SUGP1: variants seen among roughly 807,000 people sequenced by gnomAD.
SUGP1 encodes the protein SURP and G-patch domain containing 1.
SUGP1 carries 34 observed loss-of-function variants against 76.5 expected under a neutral mutation model. The ratio of observed to expected loss-of-function variants is 0.44; its 90% CI spans 0.34 to 0.59. The LOEUF (loss-of-function observed/expected upper bound fraction) is 0.59, where lower values mean the gene tolerates loss of function less well. Among genes scored for constraint, SUGP1 ranks in the 20% least tolerant of loss-of-function variants. The pLI, the probability that SUGP1 is intolerant of heterozygous loss-of-function variation, is 0.01. For synonymous variants in SUGP1, 326 were observed against 326.2 expected, an observed-to-expected ratio of 1.00 and a Z score of 0.01; for missense variants, 752 against 851.7, an observed-to-expected ratio of 0.88 and a Z score of 1.46.
rs559422874 is a variant in SUGP1 at position 19,293,854 on chromosome 19, G to C, written c.1243+3135C>G. ...AGAACCTGTAAAACTATTTCTGTTTGCAGATAACACAAACTTAAATGTGGA... is the reference window on the plus strand; with the variant it reads ...AGAACCTGTAAAACTATTTCTGTTTCCAGATAACACAAACTTAAATGTGGA... On this transcript the variant is annotated intron_variant, in intron 8 of 13. Transcript: ENST00000247001. Among the ~76,000 whole-genome samples the C allele has an allele frequency of 2.6e-5, 4 of 152,264 alleles. No individual in the cohort carries two copies. In the South Asian group the frequency reaches 8.3e-4, roughly 32 times the overall value.
chr19:19,288,969 A>T (rs968440612), intron 8 of SUGP1, among the ~76,000 whole-genome samples: 1 of 151,836 alleles, frequency 6.6e-6, no homozygotes, highest in Middle Eastern at 3.2e-3. Flanking sequence ...TATTTTTAGT[A>T]GAGACAGAGT....
intron 2 of SUGP1, among the ~76,000 whole-genome samples, chr19:19,313,831 T>C (rs1474627771): frequency 6.6e-6 from 1 of 151,894 alleles, no homozygotes; most frequent in East Asian, 1.9e-4. Flanking sequence ...AGTGAAACCC[T>C]GTCTCAACTA....
At chr19:19,308,392 AG>A (rs892378465) in intron 3 of SUGP1, among the ~76,000 whole-genome samples, 7 of 152,228 alleles carry the variant, frequency 4.6e-5, no homozygotes, top group Non-Finnish European at 8.8e-5. Context: ...CGTCTACCAA[AG>A]GGAAACAGAG....
intron 1 of SUGP1, 34 bp downstream of exon 1, chr19:19,320,429 A>G: frequency 6.2e-7 from 1 of 1,606,622 alleles, no homozygotes; most frequent in Admixed American, 1.7e-5. Flanking sequence ...CCAGGGACCC[A>G]GGCGGCCGCC....
At chr19:19,303,556 C>T (rs898487757) in intron 5 of SUGP1, 108 bp from the exon 6 acceptor site, 49 of 1,348,416 alleles carry the variant, frequency 3.6e-5, no homozygotes, top group African/African-American at 1.4e-4. Flanking sequence ...AGCAGGGACC[C>T]GAAAGCAAGT....
chr19:19,277,252 G>A (rs1051026492), intron 12 of SUGP1, among the ~76,000 whole-genome samples, 176 bp from the exon 13 acceptor site: 4 of 115,998 alleles, frequency 3.4e-5, no homozygotes, highest in Admixed American at 1.6e-4. Flanking sequence ...CGGGGCGGGC[G>A]GGGGGGGGGG....
At chr19:19,291,622 G>T (rs1006113037) in intron 8 of SUGP1, among the ~76,000 whole-genome samples, 1 of 152,090 alleles carries the variant, frequency 6.6e-6, no homozygotes, top group Non-Finnish European at 1.5e-5. Flanking sequence ...GGGCACGGTG[G>T]CTCACACCTG....
At chr19:19,306,262 G>A (rs1183959635) in intron 3 of SUGP1, among the ~76,000 whole-genome samples, 186 bp from the exon 4 acceptor site, 3 of 152,182 alleles carry the variant, frequency 2.0e-5, no homozygotes, top group Non-Finnish European at 4.4e-5. Context: ...AGGACTCGTT[G>A]TGGTCCCCCA....
intron 3 of SUGP1, among the ~76,000 whole-genome samples, chr19:19,307,287 T>G (rs1236906321): frequency 1.3e-5 from 2 of 152,060 alleles, no homozygotes; most frequent in Non-Finnish European, 2.9e-5. Context: ...ACTCTTAGAT[T>G]CAAGCGATCC....
intron 2 of SUGP1, among the ~76,000 whole-genome samples, chr19:19,311,814 A>G (rs900780683): frequency 2.0e-5 from 3 of 151,856 alleles, no homozygotes; most frequent in Non-Finnish European, 2.9e-5. Flanking sequence ...CCACATGGGT[A>G]AAGAAACACA....
At chr19:19,317,298 C>T (rs140657658) in intron 1 of SUGP1, among the ~76,000 whole-genome samples, 103 of 152,132 alleles carry the variant, frequency 6.8e-4, no homozygotes, top group African/African-American at 2.3e-3. Context: ...AAGAAGCCAG[C>T]GTCATGAAAA....
At chr19:19,298,945 G>A (rs1471078367) in intron 7 of SUGP1, among the ~76,000 whole-genome samples, 2 of 152,116 alleles carry the variant, frequency 1.3e-5, no homozygotes, top group African/African-American at 2.4e-5. Flanking sequence ...CGGGGAGGGG[G>A]TTACAATGGC....
intron 1 of SUGP1, 75 bp from the exon 2 acceptor site, chr19:19,316,668 G>C (rs1255613213): frequency 6.6e-7 from 1 of 1,506,150 alleles, no homozygotes; most frequent in African/African-American, 1.4e-5. Context: ...ACAGGCCAGA[G>C]AGCAACTGAT....
At position 19,310,123 on chromosome 19, in the gene SUGP1, T is replaced by C. The variant is rs1385013043; in HGVS notation, c.284A>G (p.Lys95Arg). The C allele has an allele frequency of 3.1e-6, 5 of 1,613,622 alleles. No individual in the cohort carries two copies. In the East Asian group the frequency reaches 1.1e-4, roughly 36 times the overall value. ...TGTGCTGGTCTGTGCCTTCTGCAAC[T>C]TCAGAAACTGCTGCAAGAAGCTACC... is the stretch of plus-strand genomic sequence containing the variant. ...NDGSFLQQFL[K>R]LQKAQTSTDA... Residue 95 changes from lysine (K) to arginine (R), a missense_variant, in exon 3 of 14, where the codon AAG (lysine) becomes AGG (arginine). This residue lies in a region of SUGP1 where 620 missense variants were observed against 617.3 expected (regional missense o/e 1.00). Coordinates refer to ENST00000247001, the MANE Select transcript of SUGP1 (RefSeq NM_172231.4).
chr19:19,297,426 T>TCTGGGCAGGAGCAGTTCTGGCCTC, intron 7 of SUGP1, 82 bp from the exon 8 acceptor site: 2 of 1,170,124 alleles, frequency 1.7e-6, no homozygotes, highest in Non-Finnish European at 2.4e-6. Flanking sequence ...GTTCTGGCCT[T>TCTGGGCAGGAGCAGTTCTGGCCTC]GTGTGCCCAC....
In SUGP1 at chr19:19,278,195, C is replaced by T. The variant is rs368129978; in HGVS notation, c.1636-316G>A. ...AAGCCCCGTGTTCATGTCCTGAGAG[C>T]AATTTGTTGTACAAGGTACTAATAA... On this transcript the variant is annotated intron_variant, in intron 11 of 13. Coordinates refer to ENST00000247001, the MANE Select transcript of SUGP1 (RefSeq NM_172231.4). Among the ~76,000 whole-genome samples, 8 of 152,132 alleles carry T rather than the reference C, an allele frequency of 5.3e-5. No homozygotes were observed. The East Asian group carries it at 1.3e-3, about 26-fold the overall frequency.
At chr19:19,285,024 T>C (rs558721472) in intron 8 of SUGP1, among the ~76,000 whole-genome samples, 3,063 of 149,362 alleles carry the variant, frequency 0.021, 105 homozygotes, top group African/African-American at 0.073. Flanking sequence ...CCCGCCACCG[T>C]GCCTGGCTAA....
chr19:19,282,510 A>T (rs537986611), intron 8 of SUGP1, among the ~76,000 whole-genome samples: 1 of 151,858 alleles, frequency 6.6e-6, no homozygotes, highest in East Asian at 1.9e-4. Context: ...CACTTCATGG[A>T]GGGGACCATT....
intron 2 of SUGP1, among the ~76,000 whole-genome samples, chr19:19,314,355 A>T (rs903996698): frequency 1.5e-4 from 22 of 151,470 alleles, no homozygotes; most frequent in African/African-American, 4.4e-4. Flanking sequence ...AAATAAAATT[A>T]AAAAAAACAG....
Sources: gnomAD v4.1 joint callset for allele counts (sites outside exome capture counted in the v4.1 genomes callset) on GRCh38, gnomAD v4.1.1 for gene constraint, gnomAD v4.1.1 regional missense constraint, MANE v1.5 for transcripts, NCBI Gene and HGNC (gene_info 2026-07-23, HGNC 2026-07-21) for gene names.